The following ZNF324B variants were observed in gnomAD, a reference collection of about 807,000 sequenced individuals.
ZNF324B encodes the protein zinc finger protein 324B.
Under a neutral mutation model 10.6 loss-of-function variants are expected in ZNF324B, and 7 were observed. That is an observed-to-expected ratio of 0.66 (90% confidence interval 0.38 to 1.24). The LOEUF (loss-of-function observed/expected upper bound fraction) is 1.24. ZNF324B is among the 50% of genes most tolerant of loss of function. ZNF324B has a pLI of 0.02. For missense variants in ZNF324B, 640 were observed against 764.7 expected (o/e 0.84, Z 1.92); for synonymous variants, 316 against 321.0 (o/e 0.98, Z 0.17).
At chr19:58,438,683 C>T in the ZNF324B span, among the ~76,000 whole-genome samples, 5 of 151,990 alleles carry the variant, frequency 3.3e-5, no homozygotes, top group African/African-American at 1.2e-4. Flanking sequence ...CCGTGTTAGC[C>T]AGGATGGTCT....
chr19:58,432,425 T>C, the ZNF324B span: 1 of 418,656 alleles, frequency 2.4e-6, no homozygotes, highest in Admixed American at 2.9e-5. Flanking sequence ...TTGTCCATGA[T>C]GGCATGTGCC....
At chr19:58,437,196 C>A in the ZNF324B span, 1 of 1,606,204 alleles carries the variant, frequency 6.2e-7, no homozygotes, top group Non-Finnish European at 8.5e-7. Flanking sequence ...GACAGCTGAG[C>A]CACAGGGCCA....
At chr19:58,434,667 AGAGT>A in the ZNF324B span, 1 of 1,614,238 alleles carries the variant, frequency 6.2e-7, no homozygotes, top group Non-Finnish European at 8.5e-7. Context: ...GTATCTCTTC[AGAGT>A]GAGTTCTCAG....
At chr19:58,437,243 A>G in the ZNF324B span, 17,950 of 1,565,010 alleles carry the variant, frequency 0.011, 1,430 homozygotes, top group African/African-American at 0.19. Context: ...AATTGGTCAA[A>G]TGGAAATATG....
At position 58,456,255 on chromosome 19, in the gene ZNF324B, C is replaced by T. The variant is rs998226845; in HGVS notation, c.1311C>T (p.Ser437=). 62 of 1,613,052 alleles carry T rather than the reference C, an allele frequency of 3.8e-5. No homozygotes were observed. The highest frequency in any genetic ancestry group is 5.2e-5 in the Non-Finnish European group (61 of 1,179,874). Residue 437 remains serine, a synonymous_variant, in exon 4 of 4, where the codon AGC becomes AGT. Transcript: ENST00000336614. The surrounding 1 kb of genome is among the most constrained non-coding windows in gnomAD (Gnocchi z 4.7). ...AGTGCGGCCGCTCCTTTAGCCGCAGCTCCAACCTCACCCAGCACCAGCTCC... is the reference window on the plus strand; with the variant it reads ...AGTGCGGCCGCTCCTTTAGCCGCAGTTCCAACCTCACCCAGCACCAGCTCC... ...CAQCGRSFSR[S]SNLTQHQLLH... is the part of the protein sequence containing the mutation.
chr19:58,443,703 C>T, the ZNF324B span: 1 of 152,256 alleles, frequency 6.6e-6, no homozygotes, highest in Admixed American at 6.5e-5. Flanking sequence ...TGCCACATTC[C>T]CTCACTCTAG....
chr19:58,421,111 G>A, the ZNF324B span, among the ~76,000 whole-genome samples: 1 of 151,922 alleles, frequency 6.6e-6, no homozygotes, highest in African/African-American at 2.4e-5. Context: ...AGTAACTTCC[G>A]AGTGTTGCCA....
At position 58,455,605 on chromosome 19, in the gene ZNF324B, G is replaced by T. The variant is rs1182796623; in HGVS notation, c.661G>T (p.Asp221Tyr). ...SDLKAASGGRDRRMGAAWQEP... is the reference protein window; with the variant it reads ...SDLKAASGGRYRRMGAAWQEP... The stretch of plus-strand genomic sequence containing the variant: ...CCTGAAGGCCGCCAGTGGTGGCAGG[G>T]ATCGCAGAATGGGCGCAGCTTGGCA... Residue 221 changes from aspartate (D) to tyrosine (Y), a missense_variant, in exon 4 of 4, where the codon GAT becomes TAT. By Grantham distance (160) the Asp-to-Tyr change is radical. Transcript: ENST00000336614. This position sits in a 1 kb window ranked among gnomAD's most constrained non-coding sequence, Gnocchi z 7.0. 7.4e-6 allele frequency: 12 copies of T among 1,613,954 alleles called. No homozygotes were observed. Among genetic ancestry groups the T allele is most frequent in the South Asian group, 3.3e-5 (3 of 91,096 alleles).
Position 58,456,085 on chromosome 19 carries a change from A to C in ZNF324B, c.1141A>C (p.Asn381His). Residue 381 changes from asparagine (N) to histidine (H), a missense_variant, in exon 4 of 4, where the codon AAC becomes CAC. By Grantham distance (68) the Asn-to-His change is moderately conservative. Transcript: ENST00000336614. The surrounding 1 kb of genome is among the most constrained non-coding windows in gnomAD (Gnocchi z 4.7). Reference protein sequence around the residue: ...CAQCGRRFCRNSHLIQHERTH... With the variant: ...CAQCGRRFCRHSHLIQHERTH... ...ACAGTGTGGCCGCCGCTTCTGCCGC[A>C]ACTCGCACCTGATCCAGCACGAGCG... 1 of 1,612,402 alleles carries C rather than the reference A, an allele frequency of 6.2e-7. No homozygotes were observed. The highest frequency in any genetic ancestry group is 1.1e-5 in the South Asian group (1 of 91,056).
the ZNF324B span, chr19:58,435,248 A>G: frequency 6.3e-7 from 1 of 1,580,432 alleles, no homozygotes; most frequent in Non-Finnish European, 8.6e-7. Context: ...TAAGAATTCC[A>G]CTTGGTGGGA....
At chr19:58,451,830 G>C in intron 1 of ZNF324B, 126 bp downstream of exon 1, 1 of 292,442 alleles carries the variant, frequency 3.4e-6, no homozygotes, top group South Asian at 2.5e-5. Context: ...AAGCCCAGGA[G>C]GCAGCGCATT....
the ZNF324B span, chr19:58,419,346 C>CT: frequency 6.6e-6 from 1 of 152,136 alleles, no homozygotes; most frequent in Non-Finnish European, 1.5e-5. Context: ...TAGACTGACT[C>CT]TAAGACCTAT....
At chr19:58,439,436 A>G in the ZNF324B span, among the ~76,000 whole-genome samples, 4 of 152,066 alleles carry the variant, frequency 2.6e-5, no homozygotes, top group African/African-American at 9.7e-5. Flanking sequence ...CCCTGTTTCC[A>G]CCAGACTAAA....
At chr19:58,450,530 T>C (rs2052848874), upstream of ZNF324B, among the ~76,000 whole-genome samples, 1 of 151,914 alleles carries the variant, frequency 6.6e-6, no homozygotes, top group East Asian at 1.9e-4. Flanking sequence ...AAGCATTTGA[T>C]TAAATCACAA....
chr19:58,440,244 C>T, the ZNF324B span: 1 of 247,136 alleles, frequency 4.0e-6, no homozygotes, highest in Non-Finnish European at 7.9e-6. Flanking sequence ...CCGTCTATGA[C>T]GCTATTTCCC....
At chr19:58,431,781 G>A in the ZNF324B span, among the ~76,000 whole-genome samples, 1 of 152,198 alleles carries the variant, frequency 6.6e-6, no homozygotes, top group Non-Finnish European at 1.5e-5. Flanking sequence ...CAGGAGGTCA[G>A]GAGATCGAGA....
At position 58,453,721 on chromosome 19, in the gene ZNF324B, C is replaced by T. The variant is rs747565043; in HGVS notation, c.20C>T (p.Ala7Val). MTFEDVAVYFSQEEWGL... is the reference protein window; with the variant it reads MTFEDVVVYFSQEEWGL... Reference sequence around the variant, plus strand: ...GACCTGATGACCTTCGAGGATGTGGCCGTGTACTTCTCCCAGGAGGAGTGG... The same window carrying T: ...GACCTGATGACCTTCGAGGATGTGGTCGTGTACTTCTCCCAGGAGGAGTGG... Residue 7 changes from alanine (A) to valine (V), a missense_variant, in exon 2 of 4, where the codon GCC (alanine) becomes GTC (valine). Around this residue, in one of 3 missense-constraint regions of ZNF324B, gnomAD observed 345 missense variants for 387.9 expected, o/e 0.89. Transcript: ENST00000336614. 1.9e-6 allele frequency: 3 copies of T among 1,614,192 alleles called. No homozygotes were observed. The highest frequency in any genetic ancestry group is 2.2e-5 in the East Asian group (1 of 44,890).
chr19:58,436,624 C>T, the ZNF324B span, among the ~76,000 whole-genome samples: 51 of 143,428 alleles, frequency 3.6e-4, no homozygotes, highest in Admixed American at 5.9e-4. Flanking sequence ...GCTGAGATCA[C>T]GCCACTGCAC....
At chr19:58,433,637 C>G in the ZNF324B span, 5 of 1,614,180 alleles carry the variant, frequency 3.1e-6, no homozygotes, top group Non-Finnish European at 4.2e-6. Context: ...TTCCCACATT[C>G]ACTGCATTTA....
Sources: gnomAD v4.1 joint callset for allele counts (sites outside exome capture counted in the v4.1 genomes callset) on GRCh38, gnomAD v4.1.1 for gene constraint, gnomAD v4.1.1 regional missense constraint, Gnocchi (gnomAD v3.1) non-coding constraint, MANE v1.5 for transcripts, NCBI Gene and HGNC (gene_info 2026-07-23, HGNC 2026-07-21) for gene names.